The following DPP4 variants were observed in gnomAD, a reference collection of about 807,000 sequenced individuals.
The protein encoded by DPP4 is ADCP-2.
In DPP4, 93 loss-of-function variants were observed where a neutral mutation model predicts 122.4. The observed-to-expected ratio is 0.76, with a 90% CI of 0.64 to 0.90. The LOEUF (loss-of-function observed/expected upper bound fraction) is 0.90, where lower values mean the gene tolerates loss of function less well. Ranked by LOEUF, DPP4 falls within the 40% of genes least tolerant of loss-of-function variation. The probability of loss-of-function intolerance (pLI) is 0.00; values close to 1 mark genes in which losing one functional copy is unlikely to be tolerated. For synonymous variants in DPP4, 321 were observed against 302.9 expected (o/e 1.06, Z -0.62); for missense variants, 914 against 907.3 (o/e 1.01, Z -0.09).
intron 4 of DPP4, 33 bp downstream of exon 4, chr2:162,046,882 C>T (rs1450134586): frequency 1.5e-6 from 2 of 1,369,006 alleles, no homozygotes; most frequent in Non-Finnish European, 2.1e-6. Context: ...CCCCAGAATT[C>T]TATGCATGAA....
In DPP4 at chr2:162,036,432, TC is replaced by T. The variant is rs549506193; in HGVS notation, c.614-1109del. Among the ~76,000 whole-genome samples the T allele has an allele frequency of 9.2e-5, 14 of 152,334 alleles. No homozygotes were observed. The East Asian group carries it at 2.5e-3, about 27-fold the overall frequency. ...GGTATTGATAAGCAATTGACATCTA[TC>T]ATCTCAGTTAAGGCTCACAATAACC... On this transcript the variant is annotated intron_variant, in intron 8 of 25. Transcript: ENST00000360534.
intron 19 of DPP4, 103 bp from the exon 20 acceptor site, chr2:162,012,090 A>C: frequency 8.3e-7 from 1 of 1,198,046 alleles, no homozygotes; most frequent in Non-Finnish European, 1.2e-6. Flanking sequence ...CTTCCCAATC[A>C]TGAGCCTTAA....
In DPP4 at chr2:162,074,189, G is replaced by A. The variant is rs1204645185; in HGVS notation, c.-208C>T. 3 of 1,237,944 alleles carry A rather than the reference G, an allele frequency of 2.4e-6. No homozygotes were observed. Among genetic ancestry groups the A allele is most frequent in the South Asian group, 3.7e-5 (1 of 26,802 alleles). The allele number at this position is 1,237,944 out of a possible 1,614,324, so 76.7% of individuals were successfully genotyped here. On this transcript the variant is annotated 5_prime_UTR_variant, in exon 1 of 26. Transcript: ENST00000360534. ...GCAGGCTGCAGGGCAGGCGGCGCGG[G>A]AGCAGGCGCGCGTGGCGCGGGGCAC...
At chr2:162,073,139 C>A (rs1685175879) in intron 2 of DPP4, 1 of 347,544 alleles carries the variant, frequency 2.9e-6, no homozygotes, top group East Asian at 4.4e-5. Flanking sequence ...TCCCGACTCT[C>A]CCTAATTTCA....
intron 5 of DPP4, among the ~76,000 whole-genome samples, chr2:162,043,021 A>G (rs1294930672): frequency 6.6e-6 from 1 of 152,192 alleles, no homozygotes; most frequent in African/African-American, 2.4e-5. Flanking sequence ...AGGAAGCAAT[A>G]GCAAGTGATT....
At chr2:162,064,940 A>G (rs1378276254) in intron 2 of DPP4, among the ~76,000 whole-genome samples, 3 of 152,224 alleles carry the variant, frequency 2.0e-5, no homozygotes, top group East Asian at 3.8e-4. Flanking sequence ...TTGTTGAAAA[A>G]TTAAATCTTT....
chr2:162,072,252 T>C (rs904540313), intron 2 of DPP4, among the ~76,000 whole-genome samples: 18 of 152,262 alleles, frequency 1.2e-4, no homozygotes, highest in Non-Finnish European at 2.6e-4. Flanking sequence ...AGGCTTTGCA[T>C]GTATGGTTTA....
At chr2:162,066,171 A>T (rs1684939756) in intron 2 of DPP4, among the ~76,000 whole-genome samples, 1 of 152,064 alleles carries the variant, frequency 6.6e-6, no homozygotes, top group Non-Finnish European at 1.5e-5. Flanking sequence ...CTGTCCAAGG[A>T]GCCATCCTTA....
rs1478499162 is a variant in DPP4 at position 162,025,962 on chromosome 2, G to T, written c.888-1023C>A. Among the ~76,000 whole-genome samples the T allele has an allele frequency of 5.3e-5, 8 of 152,150 alleles. No individual in the cohort carries two copies. The South Asian group carries it at 1.2e-3, about 24-fold the overall frequency. On this transcript the variant is annotated intron_variant, in intron 10 of 25. Transcript: ENST00000360534. ...TGCTTGACTGCAAGCTCTTTTACAG[G>T]GTGTCCCCAGGGCCTAGCAGAATGC...
chr2:162,031,151 A>G (rs1396785244), intron 10 of DPP4, among the ~76,000 whole-genome samples: 1 of 152,216 alleles, frequency 6.6e-6, no homozygotes, highest in East Asian at 1.9e-4. Flanking sequence ...CCTTGGTCCT[A>G]TTCCCACCTT....
chr2:162,039,131 C>A lies in DPP4; in HGVS notation c.419+1G>T. On this transcript the variant is annotated splice_donor_variant, in intron 6 of 25. Transcript: ENST00000360534. LOFTEE classifies it high-confidence loss of function. ...ATAGATTTTATTGGGAAGTCACTGA[C>A]CTTTTATTTAAATCATAAATGTCAT... 6.2e-7 allele frequency: 1 copy of A among 1,612,840 alleles called. No individual in the cohort carries two copies. Among genetic ancestry groups the A allele is most frequent in the Non-Finnish European group, 8.5e-7 (1 of 1,179,214 alleles).
intron 2 of DPP4, among the ~76,000 whole-genome samples, chr2:162,049,302 A>G (rs1328271316): frequency 6.6e-6 from 1 of 152,220 alleles, no homozygotes; most frequent in Non-Finnish European, 1.5e-5. Context: ...CAGCCATGAA[A>G]AGGAACAAGA....
At chr2:162,021,294 A>G (rs1389497699) in intron 12 of DPP4, among the ~76,000 whole-genome samples, 1 of 152,196 alleles carries the variant, frequency 6.6e-6, no homozygotes, top group Non-Finnish European at 1.5e-5. Flanking sequence ...GTTAAATATG[A>G]TCAACAATTT....
intron 10 of DPP4, among the ~76,000 whole-genome samples, chr2:162,033,048 C>A (rs752418318): frequency 7.9e-5 from 12 of 152,172 alleles, no homozygotes; most frequent in Non-Finnish European, 1.2e-4. Context: ...TCCTCCAACA[C>A]CCCAAGCACA....
chr2:162,070,042 C>T (rs939964661), intron 2 of DPP4, among the ~76,000 whole-genome samples: 16 of 152,012 alleles, frequency 1.1e-4, no homozygotes, highest in African/African-American at 2.7e-4. Context: ...ATCATAAATG[C>T]TGCATGTGAA....
At chr2:162,005,886 G>T in intron 22 of DPP4, 77 bp from the exon 23 acceptor site, 1 of 1,108,728 alleles carries the variant, frequency 9.0e-7, no homozygotes, top group Non-Finnish European at 1.3e-6. Flanking sequence ...GGCCACTTCA[G>T]TGTTTCCATA....
chr2:162,043,646 C>T (rs1275204396), intron 5 of DPP4, among the ~76,000 whole-genome samples: 1 of 152,150 alleles, frequency 6.6e-6, no homozygotes, highest in Admixed American at 6.5e-5. Context: ...TCTACCTTAC[C>T]TTCATATGTT....
chr2:162,050,902 A>T (rs1160542654), intron 2 of DPP4, among the ~76,000 whole-genome samples: 2 of 152,226 alleles, frequency 1.3e-5, no homozygotes, highest in Non-Finnish European at 2.9e-5. Context: ...CTGCTGCGGC[A>T]GCAGATGAAG....
In DPP4 at chr2:162,067,101, G is replaced by C. The variant is rs548224869; in HGVS notation, c.94+6298C>G. ...TTGAAAAATATTGTATTTAGCCACTGTTGGACCTTGGCCCTGAAGAGGTTT... is the reference window on the plus strand; with the variant it reads ...TTGAAAAATATTGTATTTAGCCACTCTTGGACCTTGGCCCTGAAGAGGTTT... On this transcript the variant is annotated intron_variant, in intron 2 of 25. Transcript: ENST00000360534. Among the ~76,000 whole-genome samples, 5 of 152,356 alleles carry C rather than the reference G, an allele frequency of 3.3e-5. No homozygotes were observed. In the East Asian group the frequency reaches 9.6e-4, roughly 29 times the overall value.
Sources: gnomAD v4.1 joint callset for allele counts (sites outside exome capture counted in the v4.1 genomes callset) on GRCh38, gnomAD v4.1.1 for gene constraint, MANE v1.5 for transcripts, NCBI Gene and HGNC (gene_info 2026-07-23, HGNC 2026-07-21) for gene names.